The following PDLIM5 variants were observed in gnomAD, a reference collection of about 807,000 sequenced individuals.
PDLIM5 encodes the protein PDZ and LIM domain protein 5.
Under a neutral mutation model 64.2 loss-of-function variants are expected in PDLIM5, and 34 were observed. The ratio of observed to expected loss-of-function variants is 0.53; its 90% CI spans 0.40 to 0.71. PDLIM5 has a LOEUF of 0.71. PDLIM5 is among the 30% of genes least tolerant of loss of function. The pLI is 0.00. For synonymous variants in PDLIM5, 253 were observed against 269.1 expected (o/e 0.94, Z 0.59); for missense variants, 683 against 733.6 (o/e 0.93, Z 0.80).
chr4:94,507,592 T>C (rs1728499247), intron 2 of PDLIM5, among the ~76,000 whole-genome samples: 1 of 152,174 alleles, frequency 6.6e-6, no homozygotes, highest in Admixed American at 6.5e-5. Context: ...ACTTTTAAGA[T>C]TACAGTAAAA....
intron 12 of PDLIM5, 41 bp from the exon 13 acceptor site, chr4:94,663,937 T>A (rs773283017): frequency 6.3e-7 from 1 of 1,578,350 alleles, no homozygotes; most frequent in African/African-American, 1.4e-5. Context: ...CCTCTTAATA[T>A]CCTCTTAAAT....
chr4:94,651,558 G>A (rs571475372), intron 9 of PDLIM5, among the ~76,000 whole-genome samples: 4 of 152,238 alleles, frequency 2.6e-5, no homozygotes, highest in Admixed American at 1.3e-4. Flanking sequence ...CGATAGGCTC[G>A]TTAAAAATGA....
intron 2 of PDLIM5, among the ~76,000 whole-genome samples, chr4:94,489,389 A>G (rs1235477137): frequency 1.3e-5 from 2 of 152,098 alleles, no homozygotes; most frequent in Non-Finnish European, 2.9e-5. Flanking sequence ...AGACACTTGT[A>G]TTTGAATACT....
intron 8 of PDLIM5, among the ~76,000 whole-genome samples, chr4:94,633,629 C>T (rs1443162752): frequency 6.6e-6 from 1 of 152,036 alleles, no homozygotes; most frequent in South Asian, 2.1e-4. Context: ...GTCATTTTTT[C>T]TCTGAATAAG....
chr4:94,483,307 A>T (rs1396511815), intron 2 of PDLIM5, among the ~76,000 whole-genome samples: 2 of 152,184 alleles, frequency 1.3e-5, no homozygotes, highest in African/African-American at 4.8e-5. Flanking sequence ...TAAAAATTTT[A>T]ATGTGGAAAT....
At chr4:94,615,431 A>G (rs942716003) in intron 7 of PDLIM5, among the ~76,000 whole-genome samples, 52 of 149,276 alleles carry the variant, frequency 3.5e-4, no homozygotes, top group African/African-American at 1.3e-3. Flanking sequence ...GCGTTATTAT[A>G]TTTACTTCTA....
intron 3 of PDLIM5, among the ~76,000 whole-genome samples, chr4:94,527,229 G>A (rs139038628): frequency 4.6e-4 from 69 of 151,378 alleles, no homozygotes; most frequent in African/African-American, 1.6e-3. Flanking sequence ...GCTAATTTTT[G>A]TATTTTTAGT....
chr4:94,591,773 C>G (rs564452213), intron 7 of PDLIM5, among the ~76,000 whole-genome samples: 2 of 152,242 alleles, frequency 1.3e-5, no homozygotes, highest in Non-Finnish European at 2.9e-5. Flanking sequence ...CTGTCCTTTC[C>G]CCTTCACGGT....
At position 94,534,244 on chromosome 4, in the gene PDLIM5, A is replaced by G. The variant is rs1319096993; in HGVS notation, c.248+10369A>G. 3.3e-5 allele frequency among the ~76,000 whole-genome samples: 5 copies of G among 152,308 alleles called. No individual in the cohort carries two copies. In the East Asian group the frequency reaches 9.6e-4, roughly 29 times the overall value. On this transcript the variant is annotated intron_variant, in intron 3 of 12. Coordinates refer to ENST00000317968, the MANE Select transcript of PDLIM5 (RefSeq NM_006457.5). ...TTTCTCTCATTTTATATTCATGTAT[A>G]TTCCCTTTAAAGTAATTTTCTGAGT... is the stretch of plus-strand genomic sequence containing the variant.
At chr4:94,535,170 A>G (rs1334020540) in intron 3 of PDLIM5, among the ~76,000 whole-genome samples, 1 of 152,144 alleles carries the variant, frequency 6.6e-6, no homozygotes, top group Admixed American at 6.6e-5. Context: ...ACGGCTTGAA[A>G]TAGAAAGCAG....
At chr4:94,656,989 C>G (rs867811611) in intron 10 of PDLIM5, 2 of 152,370 alleles carry the variant, frequency 1.3e-5, no homozygotes, top group African/African-American at 4.8e-5. Context: ...TAAAATGCAC[C>G]AAAGTATAGG....
intron 3 of PDLIM5, among the ~76,000 whole-genome samples, chr4:94,525,457 A>G (rs190984371): frequency 1.5e-4 from 23 of 152,140 alleles, no homozygotes; most frequent in Non-Finnish European, 2.8e-4. Context: ...AGAGGGAAAT[A>G]AAACCTGGTA....
At chr4:94,606,102 T>C (rs1737895355) in intron 7 of PDLIM5, among the ~76,000 whole-genome samples, 1 of 152,182 alleles carries the variant, frequency 6.6e-6, no homozygotes, top group Admixed American at 6.5e-5. Flanking sequence ...TTACAAATAT[T>C]GTGAATTCGT....
intron 8 of PDLIM5, among the ~76,000 whole-genome samples, chr4:94,636,339 T>C (rs1740556536): frequency 6.6e-6 from 1 of 151,894 alleles, no homozygotes; most frequent in Non-Finnish European, 1.5e-5. Context: ...TCCAATTGGT[T>C]ACTTTCCCAT....
At chr4:94,470,481 C>G (rs183269240) in intron 2 of PDLIM5, among the ~76,000 whole-genome samples, 45 of 152,180 alleles carry the variant, frequency 3.0e-4, no homozygotes, top group Non-Finnish European at 4.7e-4. Context: ...ATCTGTTGAG[C>G]TGAAAAAATT....
intron 7 of PDLIM5, among the ~76,000 whole-genome samples, chr4:94,607,659 A>G (rs1738034979): frequency 6.6e-6 from 1 of 152,194 alleles, no homozygotes; most frequent in South Asian, 2.1e-4. Context: ...TATATAGTGG[A>G]AATAATACAG....
chr4:94,560,413 T>C (rs1431835052), intron 3 of PDLIM5, among the ~76,000 whole-genome samples: 1 of 152,184 alleles, frequency 6.6e-6, no homozygotes, highest in Non-Finnish European at 1.5e-5. Flanking sequence ...ATTATTCCCA[T>C]ACTCTCCCAT....
At chr4:94,640,236 T>C (rs1282623208) in intron 8 of PDLIM5, 40 bp from the exon 9 acceptor site, 5 of 1,111,730 alleles carry the variant, frequency 4.5e-6, no homozygotes, top group Non-Finnish European at 6.6e-6. Flanking sequence ...GGTTTATATG[T>C]GGCTTATTCT....
At chr4:94,596,815 T>C (rs1357180470) in intron 7 of PDLIM5, among the ~76,000 whole-genome samples, 1 of 152,122 alleles carries the variant, frequency 6.6e-6, no homozygotes, top group African/African-American at 2.4e-5. Context: ...TATTTAGACA[T>C]CTTCACTTTC....
Sources: allele counts gnomAD v4.1 joint callset (sites outside exome capture counted in the v4.1 genomes callset), GRCh38; gene constraint gnomAD v4.1.1; transcripts MANE v1.5; gene names NCBI Gene and HGNC (gene_info 2026-07-23, HGNC 2026-07-21).